Variants in NIPAL2 observed in about 807,000 individuals in gnomAD.
NIPAL2 encodes the protein NIPA like domain containing 2, also known as NIPA-like protein 2.
In NIPAL2, 43 loss-of-function variants were observed where a neutral mutation model predicts 48.9. The observed-to-expected ratio is 0.88, with a 90% confidence interval of 0.69 to 1.13. The LOEUF (loss-of-function observed/expected upper bound fraction) is 1.13, where lower values mean the gene tolerates loss of function less well. Among genes scored for constraint, NIPAL2 ranks in the 50% most tolerant of loss-of-function variants. The pLI is 0.00. For synonymous variants in NIPAL2, 167 were observed against 174.6 expected (o/e 0.96, Z 0.34); for missense variants, 446 against 461.4 (o/e 0.97, Z 0.31).
chr8:98,211,004 T>C (rs911162096), intron 6 of NIPAL2, among the ~76,000 whole-genome samples: 1 of 152,138 alleles, frequency 6.6e-6, no homozygotes, highest in African/African-American at 2.4e-5. Context: ...ACCCCTGTCT[T>C]AGTATTTATC....
chr8:98,252,401 G>A, intron 3 of NIPAL2, 62 bp downstream of exon 3: 1 of 1,422,816 alleles, frequency 7.0e-7, no homozygotes, highest in Non-Finnish European at 9.4e-7. Flanking sequence ...TTTCAGTTGT[G>A]TGTTTTTCTC....
intron 4 of NIPAL2, 134 bp from the exon 5 acceptor site, chr8:98,222,734 A>G: frequency 1.2e-6 from 1 of 831,774 alleles, no homozygotes; most frequent in Non-Finnish European, 1.9e-6. Context: ...CGTTTCATCA[A>G]ACCATCCTTG....
intron 1 of NIPAL2, among the ~76,000 whole-genome samples, chr8:98,290,553 T>C (rs1393492202): frequency 2.0e-5 from 3 of 152,216 alleles, no homozygotes; most frequent in Non-Finnish European, 4.4e-5. Context: ...TGGAGATCTT[T>C]TGGTCCAACT....
At chr8:98,215,564 A>G (rs567631250) in intron 5 of NIPAL2, among the ~76,000 whole-genome samples, 6 of 152,318 alleles carry the variant, frequency 3.9e-5, no homozygotes, top group East Asian at 1.9e-4. Flanking sequence ...CCTCACAACC[A>G]TTTAGGAGGT....
intron 1 of NIPAL2, among the ~76,000 whole-genome samples, chr8:98,287,825 C>G (rs1288999040): frequency 6.6e-6 from 1 of 152,098 alleles, no homozygotes; most frequent in Non-Finnish European, 1.5e-5. Flanking sequence ...CAGCACAATA[C>G]AGGAACAAAA....
At position 98,280,077 on chromosome 8, in the gene NIPAL2, C is replaced by G. The variant is rs147025588; in HGVS notation, c.135+13926G>C. Reference sequence around the variant, plus strand: ...AGATATTTCAAATTGACCTGTAGTACTGTGTTATTGACCTGTAATCCATTG... The same window carrying G: ...AGATATTTCAAATTGACCTGTAGTAGTGTGTTATTGACCTGTAATCCATTG... On this transcript the variant is annotated intron_variant, in intron 1 of 10. Transcript: ENST00000430223. 2.2e-3 allele frequency among the ~76,000 whole-genome samples: 341 copies of G among 152,308 alleles called. 1 individual carries two copies. The highest frequency in any genetic ancestry group is 8.0e-3 in the African/African-American group (332 of 41,562).
Position 98,193,050 on chromosome 8 carries a change from G to A in NIPAL2, c.1080C>T (p.Ser360=), listed in dbSNP as rs764956877. The change falls in exon 11 of 11, where the codon AGC becomes AGT. Residue 360 remains serine, a synonymous_variant. Coordinates refer to ENST00000430223, the MANE Select transcript of NIPAL2 (RefSeq NM_001321635.2). ...MLDKIQPDSH[S]LSYGTLPDGS... is the part of the protein sequence containing the mutation. ...CATCAGGCAAAGTTCCATAGGATAA[G>A]CTATGTGAATCTGGTTGTATTTTGT... 2.2e-5 allele frequency: 36 copies of A among 1,613,884 alleles called. No individual in the cohort carries two copies. In the South Asian group the frequency reaches 4.0e-4, roughly 18 times the overall value.
intron 1 of NIPAL2, among the ~76,000 whole-genome samples, chr8:98,266,713 C>T (rs1814773903): frequency 6.6e-6 from 1 of 151,812 alleles, no homozygotes; most frequent in South Asian, 2.1e-4. Flanking sequence ...CAGAAATTCA[C>T]CATTACACAT....
At chr8:98,284,832 A>T (rs1816065145) in intron 1 of NIPAL2, among the ~76,000 whole-genome samples, 1 of 152,276 alleles carries the variant, frequency 6.6e-6, no homozygotes, top group East Asian at 1.9e-4. Flanking sequence ...AGCTAAATGC[A>T]CTAAACTTGT....
At chr8:98,254,305 C>T (rs1247333350) in intron 1 of NIPAL2, among the ~76,000 whole-genome samples, 8 of 152,094 alleles carry the variant, frequency 5.3e-5, no homozygotes. Flanking sequence ...TTTATGAATT[C>T]TCTAGATATT....
In NIPAL2 at chr8:98,242,488, A is replaced by ATTTTTTTT. The variant is rs568464494; in HGVS notation, c.377-6282_377-6275dup. Reference sequence around the variant, plus strand: ...AGGCAAAAGCCACTGCACCTGACAGATTTTTTTTTTTTTTTTTTTAACTGA... The same window carrying ATTTTTTTT: ...AGGCAAAAGCCACTGCACCTGACAGATTTTTTTTTTTTTTTTTTTTTTTTTTTAACTGA... On this transcript the variant is annotated intron_variant, in intron 3 of 10. Transcript: ENST00000430223. Among the ~76,000 whole-genome samples, 820 of 117,736 alleles carry ATTTTTTTT rather than the reference A, an allele frequency of 7.0e-3. 41 individuals carry two copies. Among genetic ancestry groups the ATTTTTTTT allele is most frequent in the African/African-American group, 0.024 (739 of 30,288 alleles). The allele number at this position is 117,736 out of a possible 152,430, so 77.2% of individuals were successfully genotyped here. A position where few individuals can be genotyped will look rare whatever the true frequency, so the allele number is the denominator to read the frequency against.
At chr8:98,252,307 A>T in intron 3 of NIPAL2, 156 bp downstream of exon 3, 1 of 697,538 alleles carries the variant, frequency 1.4e-6, no homozygotes, top group South Asian at 2.9e-5. Flanking sequence ...ATGACAATGG[A>T]TCGCTGAAAT....
chr8:98,202,352 A>G (rs1810843553), intron 8 of NIPAL2, among the ~76,000 whole-genome samples: 1 of 152,194 alleles, frequency 6.6e-6, no homozygotes, highest in Non-Finnish European at 1.5e-5. Flanking sequence ...AGGACCTTTC[A>G]GTTGCTTTGA....
intron 1 of NIPAL2, among the ~76,000 whole-genome samples, chr8:98,278,064 G>T (rs75284979): frequency 0.013 from 1,981 of 152,154 alleles, 54 homozygotes; most frequent in African/African-American, 0.045. Context: ...AGAAGTATAG[G>T]CTGACAGTAA....
rs374787305 is a variant in NIPAL2, at chr8:98,213,387, T to C, written c.559-886A>G. On this transcript the variant is annotated intron_variant, in intron 5 of 10. Transcript: ENST00000430223. ...GCTTGCTTTTTTTCACCATGTATTATATTTGTGACATTCTTCCAGGATGAT... is the reference window on the plus strand; with the variant it reads ...GCTTGCTTTTTTTCACCATGTATTACATTTGTGACATTCTTCCAGGATGAT... Among the ~76,000 whole-genome samples, 15 of 152,370 alleles carry C rather than the reference T, an allele frequency of 9.8e-5. No homozygotes were observed. The South Asian group carries it at 3.1e-3, about 32-fold the overall frequency.
chr8:98,280,761 T>TATATATATATATATAG, intron 1 of NIPAL2, among the ~76,000 whole-genome samples: 51 of 30,016 alleles, frequency 1.7e-3, no homozygotes, highest in Middle Eastern at 0.02. Flanking sequence ...TATATATATA[T>TATATATATATATATAG]AGAGAGAGAG....
intron 1 of NIPAL2, among the ~76,000 whole-genome samples, chr8:98,268,868 G>A (rs374137645): frequency 2.3e-4 from 35 of 152,074 alleles, no homozygotes; most frequent in African/African-American, 8.0e-4. Flanking sequence ...GTTTAAAAAT[G>A]TTAGACATAC....
At chr8:98,283,705 A>C (rs776345850) in intron 1 of NIPAL2, among the ~76,000 whole-genome samples, 2 of 152,104 alleles carry the variant, frequency 1.3e-5, no homozygotes, top group Non-Finnish European at 2.9e-5. Flanking sequence ...GCAATGCTCT[A>C]CCCCACACCT....
In NIPAL2 at chr8:98,241,214, C is replaced by A. The variant is rs1812963980; in HGVS notation, c.377-5000G>T. 3.3e-5 allele frequency among the ~76,000 whole-genome samples: 5 copies of A among 152,278 alleles called. No homozygotes were observed. In the South Asian group the frequency reaches 1.0e-3, roughly 32 times the overall value. On this transcript the variant is annotated intron_variant, in intron 3 of 10. Transcript: ENST00000430223. ...GTGATGATATGTGTGAACAGGTATA[C>A]CCACCAGTATGCAAAGAAACACAAC...
Sources: gnomAD v4.1 joint callset for allele counts (sites outside exome capture counted in the v4.1 genomes callset) on GRCh38, gnomAD v4.1.1 for gene constraint, MANE v1.5 for transcripts, NCBI Gene and HGNC (gene_info 2026-07-23, HGNC 2026-07-21) for gene names.